The following CDCA8 variants were observed in gnomAD, a reference collection of about 807,000 sequenced individuals.
CDCA8 encodes the protein cell division cycle associated 8.
In CDCA8, 25 loss-of-function variants were observed where a neutral mutation model predicts 40.0. The ratio of observed to expected loss-of-function variants is 0.63; its 90% confidence interval spans 0.46 to 0.87. The LOEUF is 0.87. Ranked by LOEUF, CDCA8 falls within the 40% of genes least tolerant of loss-of-function variation. The pLI, the probability that CDCA8 is intolerant of heterozygous loss-of-function variation, is 0.00. For missense variants in CDCA8, 280 were observed against 348.4 expected, an observed-to-expected ratio of 0.80 and a Z score of 1.56; for synonymous variants, 111 against 126.5, an observed-to-expected ratio of 0.88 and a Z score of 0.82.
intron 3 of CDCA8, among the ~76,000 whole-genome samples, chr1:37,697,761 T>C (rs60525879): frequency 0.13 from 19,253 of 152,290 alleles, 1,574 homozygotes; most frequent in Admixed American, 0.18. Context: ...GCCAGTTGTT[T>C]CTAGAGATGG....
chr1:37,701,923 G>A, intron 6 of CDCA8, 105 bp downstream of exon 6: 1 of 830,710 alleles, frequency 1.2e-6, no homozygotes, highest in Admixed American at 2.2e-5. Context: ...GCTAGTGTTT[G>A]AAAGCAGCTT....
At position 37,699,350 on chromosome 1, in the gene CDCA8, T is replaced by C. The variant is rs376852454; in HGVS notation, c.337+373T>C. Among the ~76,000 whole-genome samples, 486 of 152,264 alleles carry C rather than the reference T, an allele frequency of 3.2e-3. 2 individuals are homozygous for C. Among genetic ancestry groups the C allele is most frequent in the African/African-American group, 0.011 (471 of 41,548 alleles). On this transcript the variant is annotated intron_variant, in intron 4 of 9. Transcript: ENST00000373055. Reference sequence around the variant, plus strand: ...ATTTAGAGAGGTGTTAAAAGACTGGTAACACCAACTGAGACGCTCCCTGAT... The same window carrying C: ...ATTTAGAGAGGTGTTAAAAGACTGGCAACACCAACTGAGACGCTCCCTGAT...
Position 37,708,702 on chromosome 1 carries a change from G to A in CDCA8, c.*336G>A. On this transcript the variant is annotated 3_prime_UTR_variant, in exon 10 of 10. Coordinates refer to ENST00000373055, the MANE Select transcript of CDCA8 (RefSeq NM_001256875.2). ...TTCACCCTGCCCTGCCTGCAGTTGA[G>A]GGGGCGAAGAAGAACCCTGTGTTCT... 2.9e-6 allele frequency: 1 copy of A among 350,542 alleles called. No individual in the cohort carries two copies. The highest frequency in any genetic ancestry group is 5.4e-6 in the Non-Finnish European group (1 of 185,392). 21.7% of individuals were successfully genotyped at this position (350,542 alleles called of 1,614,324 possible). A position where few individuals can be genotyped will look rare whatever the true frequency, so the allele number is the denominator to read the frequency against.
rs776659425 is a variant in CDCA8, at chr1:37,692,740, G to C, written c.50G>C (p.Arg17Pro). The stretch of plus-strand genomic sequence containing the variant: ...CGGGTGGCCAAGACCAACTCCTTAC[G>C]GAGGCGGAAGCTCGCCTCCTTTCTG... ...SSRVAKTNSL[R>P]RRKLASFLKD... is the part of the protein sequence containing the mutation. The change falls in exon 1 of 10, where the codon CGG becomes CCG. Residue 17 changes from arginine to proline, a missense_variant. By Grantham distance (103) the Arg-to-Pro change is moderately radical. Transcript: ENST00000373055. 6 of 1,613,502 alleles carry C rather than the reference G, an allele frequency of 3.7e-6. No homozygotes were observed. Among genetic ancestry groups the C allele is most frequent in the Non-Finnish European group, 5.1e-6 (6 of 1,179,998 alleles).
Position 37,698,935 on chromosome 1 carries a change from C to G in CDCA8, c.295C>G (p.Leu99Val). The change falls in exon 4 of 10, where the codon CTA becomes GTA. Residue 99 changes from leucine to valine, a missense_variant. Leu to Val is a conservative substitution (Grantham distance 32). Coordinates refer to ENST00000373055, the MANE Select transcript of CDCA8 (RefSeq NM_001256875.2). ...CCTGGATATCACCGAAATAAACAAACTAACAGCAGAAGCTATTCAGACACC... is the reference window on the plus strand; with the variant it reads ...CCTGGATATCACCGAAATAAACAAAGTAACAGCAGAAGCTATTCAGACACC... ...ADLDITEINK[L>V]TAEAIQTPLK... 1.2e-6 allele frequency: 2 copies of G among 1,613,886 alleles called. No homozygotes were observed. Among genetic ancestry groups the G allele is most frequent in the Non-Finnish European group, 1.7e-6 (2 of 1,179,756 alleles).
intron 4 of CDCA8, among the ~76,000 whole-genome samples, chr1:37,700,189 A>G (rs1645554527): frequency 6.6e-6 from 1 of 152,220 alleles, no homozygotes; most frequent in Non-Finnish European, 1.5e-5. Context: ...GGCACGCTCT[A>G]CAGTAGGCAG....
chr1:37,702,037 CTTTTT>C (rs34220599), intron 6 of CDCA8, among the ~76,000 whole-genome samples: 2 of 119,038 alleles, frequency 1.7e-5, no homozygotes, highest in Non-Finnish European at 1.7e-5. Context: ...TCCTTCCCCA[CTTTTT>C]TTTTTTTTTT....
chr1:37,705,623 T>C (rs888224607), intron 8 of CDCA8, 56 bp downstream of exon 8: 2 of 1,594,600 alleles, frequency 1.3e-6, no homozygotes, highest in African/African-American at 2.7e-5. Context: ...CAAGCATTTC[T>C]TTTCCCTGGG....
In CDCA8 at chr1:37,705,492, C is replaced by T. The variant is rs146700531; in HGVS notation, c.636C>T (p.Tyr212=). The T allele has an allele frequency of 4.8e-5, 78 of 1,614,018 alleles. No homozygotes were observed. The African/African-American group carries it at 8.9e-4, about 18-fold the overall frequency. ...LRTPAAGERI[Y]NISGNGSPLA... is the part of the protein sequence containing the mutation. Reference sequence around the variant, plus strand: ...CTCCAGCAGCAGGAGAGCGGATTTACAACATCTCAGGGAATGGCAGCCCTC... The same window carrying T: ...CTCCAGCAGCAGGAGAGCGGATTTATAACATCTCAGGGAATGGCAGCCCTC... The change falls in exon 8 of 10, where the codon TAC becomes TAT. Residue 212 remains tyrosine (Y), a synonymous_variant. Transcript: ENST00000373055.
chr1:37,707,215 A>G, intron 9 of CDCA8, 151 bp downstream of exon 9: 1 of 610,414 alleles, frequency 1.6e-6, no homozygotes, highest in Non-Finnish European at 3.0e-6. Context: ...CTCTTACCCT[A>G]CTTAGATAGC....
chr1:37,692,527 C>T lies in CDCA8; in HGVS notation c.-164C>T. 2 of 633,522 alleles carry T rather than the reference C, an allele frequency of 3.2e-6. No individual in the cohort carries two copies. Among genetic ancestry groups the T allele is most frequent in the Non-Finnish European group, 5.8e-6 (2 of 347,520 alleles). The allele number at this position is 633,522 out of a possible 1,614,324, so 39.2% of individuals were successfully genotyped here. A position where few individuals can be genotyped will look rare whatever the true frequency, so the allele number is the denominator to read the frequency against. On this transcript the variant is annotated 5_prime_UTR_variant, in exon 1 of 10. Transcript: ENST00000373055. ...GGTGGCGGTTGACTGTAGAGCCGCTCTCTCTCACTGGCACAGCGAGGTTTT... is the reference window on the plus strand; with the variant it reads ...GGTGGCGGTTGACTGTAGAGCCGCTTTCTCTCACTGGCACAGCGAGGTTTT...
chr1:37,699,551 G>A (rs1645548860), intron 4 of CDCA8, among the ~76,000 whole-genome samples: 1 of 150,224 alleles, frequency 6.7e-6, no homozygotes, highest in East Asian at 2.0e-4. Context: ...GGGCAATGTA[G>A]TGAGACCTTG....
Position 37,708,592 on chromosome 1 carries a change from C to T in CDCA8, c.*226C>T, listed in dbSNP as rs1337955568. 2 of 566,756 alleles carry T rather than the reference C, an allele frequency of 3.5e-6. No individual in the cohort carries two copies. Among genetic ancestry groups the T allele is most frequent in the African/African-American group, 1.9e-5 (1 of 53,142 alleles). The allele number at this position is 566,756 out of a possible 1,614,324, so 35.1% of individuals were successfully genotyped here. A position where few individuals can be genotyped will look rare whatever the true frequency, so the allele number is the denominator to read the frequency against. ...CAGTCACTGCTTGCTGGGGCCATGC[C>T]ATGGAAGCTTCCCATCAGTCTCCCA... On this transcript the variant is annotated 3_prime_UTR_variant, in exon 10 of 10. Transcript: ENST00000373055.
chr1:37,703,973 A>C (rs188048718), intron 7 of CDCA8, among the ~76,000 whole-genome samples: 1 of 152,130 alleles, frequency 6.6e-6, no homozygotes, highest in African/African-American at 2.4e-5. Flanking sequence ...ATTTATTATG[A>C]GGCAGGGTCT....
At position 37,695,869 on chromosome 1, in the gene CDCA8, A is replaced by C; in HGVS notation, c.224-41A>C. The C allele has an allele frequency of 1.9e-6, 3 of 1,586,458 alleles. No homozygotes were observed. The Middle Eastern group carries it at 5.0e-4, about 264-fold the overall frequency. ...ATGGTACTATTAGGCAAGATGATTT[A>C]TTGTTAAAATGTAATAGTAACTACA... On this transcript the variant is annotated intron_variant, in intron 2 of 9. Transcript: ENST00000373055.
At position 37,708,377 on chromosome 1, in the gene CDCA8, T is replaced by C; in HGVS notation, c.*11T>C. On this transcript the variant is annotated 3_prime_UTR_variant, in exon 10 of 10. Coordinates refer to ENST00000373055, the MANE Select transcript of CDCA8 (RefSeq NM_001256875.2). ...CGGACCCACAAATGAGACACCAAAG[T>C]TGACAGGATGGACTTTTAATGGGCA... 6.2e-7 allele frequency: 1 copy of C among 1,613,828 alleles called. No homozygotes were observed. The highest frequency in any genetic ancestry group is 8.5e-7 in the Non-Finnish European group (1 of 1,179,732).
Position 37,708,653 on chromosome 1 carries a change from T to C in CDCA8, c.*287T>C, listed in dbSNP as rs1361380826. ...CCCTGCTCTCTGAGCTGCTGCCTTT[T>C]GCCTCCTGCAACTCAACATCCTCTT... On this transcript the variant is annotated 3_prime_UTR_variant, in exon 10 of 10. Transcript: ENST00000373055. 2.4e-5 allele frequency: 11 copies of C among 463,212 alleles called. 1 individual carries two copies. Among genetic ancestry groups the C allele is most frequent in the Middle Eastern group, 6.2e-4 (1 of 1,614 alleles). 28.7% of individuals were successfully genotyped at this position (463,212 alleles called of 1,614,324 possible).
chr1:37,698,963 T>C lies in CDCA8; in HGVS notation c.323T>C (p.Leu108Pro). The change falls in exon 4 of 10, where the codon CTG (leucine) becomes CCG (proline). Residue 108 changes from leucine (L) to proline (P), a missense_variant. By Grantham distance (98) the Leu-to-Pro change is moderately conservative (BLOSUM62 -3). Transcript: ENST00000373055. ...KLTAEAIQTP[L>P]KSAKTRKVIQ... is the part of the protein sequence containing the mutation. ...ACAGCAGAAGCTATTCAGACACCCC[T>C]GAAATCTGCCAAAAGTGAGTACCTT... 6.2e-7 allele frequency: 1 copy of C among 1,612,480 alleles called. No homozygotes were observed. Among genetic ancestry groups the C allele is most frequent in the Non-Finnish European group, 8.5e-7 (1 of 1,178,518 alleles).
chr1:37,703,956 A>G (rs1021220513), intron 7 of CDCA8, among the ~76,000 whole-genome samples: 7 of 152,010 alleles, frequency 4.6e-5, no homozygotes, highest in African/African-American at 1.7e-4. Flanking sequence ...TTATTTTTAA[A>G]ATATTTATTT....
Sources: gnomAD v4.1 joint callset for allele counts (sites outside exome capture counted in the v4.1 genomes callset) on GRCh38, gnomAD v4.1.1 for gene constraint, MANE v1.5 for transcripts, NCBI Gene and HGNC (gene_info 2026-07-23, HGNC 2026-07-21) for gene names.